The following MRPL48 variants were observed in gnomAD, a reference collection of about 807,000 sequenced individuals.
The protein encoded by MRPL48 is mitochondrial ribosomal protein L48, also known as large ribosomal subunit protein mL48.
In MRPL48, 16 loss-of-function variants were observed where a neutral mutation model predicts 32.9. The observed-to-expected ratio is 0.49, with a 90% CI of 0.33 to 0.74. The LOEUF (loss-of-function observed/expected upper bound fraction) is 0.74. Ranked by LOEUF, MRPL48 falls within the 30% of genes least tolerant of loss-of-function variation. The pLI, the probability that MRPL48 is intolerant of heterozygous loss-of-function variation, is 0.02. For synonymous variants in MRPL48, 94 were observed against 89.2 expected (o/e 1.05, Z -0.31); for missense variants, 206 against 245.3 (o/e 0.84, Z 1.07).
chr11:73,816,830 A>ATT (rs34704077), intron 3 of MRPL48, among the ~76,000 whole-genome samples: 7 of 141,746 alleles, frequency 4.9e-5, no homozygotes, highest in African/African-American at 1.6e-4. Flanking sequence ...TTTGTTTATT[A>ATT]TTTTTTTTTT....
chr11:73,803,328 A>T (rs2134957906), intron 1 of MRPL48, among the ~76,000 whole-genome samples: 1 of 149,626 alleles, frequency 6.7e-6, no homozygotes, highest in South Asian at 2.1e-4. Context: ...ACGGGGTTTC[A>T]CCATGTTGGC....
intron 1 of MRPL48, among the ~76,000 whole-genome samples, chr11:73,802,390 T>C (rs75243217): frequency 6.6e-6 from 1 of 152,316 alleles, no homozygotes; most frequent in East Asian, 1.9e-4. Flanking sequence ...GCTTTTATTA[T>C]ATTCACAGAA....
intron 5 of MRPL48, among the ~76,000 whole-genome samples, chr11:73,848,132 T>G (rs1427546819): frequency 1.3e-5 from 2 of 152,176 alleles, no homozygotes. Context: ...TATATTTAGG[T>G]CTGTGATCCA....
At chr11:73,845,591 A>G (rs995036925) in intron 5 of MRPL48, among the ~76,000 whole-genome samples, 1 of 151,192 alleles carries the variant, frequency 6.6e-6, no homozygotes, top group Non-Finnish European at 1.5e-5. Context: ...TGGGCAACAT[A>G]GCGAGACCTC....
At chr11:73,818,196 C>T (rs1947710693) in intron 3 of MRPL48, among the ~76,000 whole-genome samples, 1 of 151,866 alleles carries the variant, frequency 6.6e-6, no homozygotes, top group Admixed American at 6.6e-5. Flanking sequence ...CCCATTCCTG[C>T]CTTCACCCAT....
intron 3 of MRPL48, among the ~76,000 whole-genome samples, chr11:73,811,465 T>A (rs554378286): frequency 2.0e-5 from 3 of 152,240 alleles, no homozygotes; most frequent in Admixed American, 6.5e-5. Flanking sequence ...AAATTGTTTA[T>A]CTCTTAATTA....
At chr11:73,808,455 G>T in intron 3 of MRPL48, 105 bp downstream of exon 3, 1 of 1,188,324 alleles carries the variant, frequency 8.4e-7, no homozygotes, top group Non-Finnish European at 1.2e-6. Flanking sequence ...GAGAACAGTG[G>T]CCTGAACCAA....
chr11:73,849,396 C>G (rs956844036), intron 5 of MRPL48, among the ~76,000 whole-genome samples: 2 of 152,236 alleles, frequency 1.3e-5, no homozygotes, highest in Non-Finnish European at 2.9e-5. Context: ...CTTGGCCTCC[C>G]AAAGTGCTGG....
chr11:73,825,654 C>G, intron 3 of MRPL48, 54 bp from the exon 4 acceptor site: 1 of 1,467,528 alleles, frequency 6.8e-7, no homozygotes, highest in Non-Finnish European at 9.3e-7. Flanking sequence ...TCTTAAAAAA[C>G]AACGATAATA....
chr11:73,828,127 T>C (rs1452251034), intron 4 of MRPL48, among the ~76,000 whole-genome samples: 1 of 152,208 alleles, frequency 6.6e-6, no homozygotes, highest in African/African-American at 2.4e-5. Context: ...AACTTGTATG[T>C]CATGTAACTT....
In MRPL48 at chr11:73,804,772, A is replaced by G. The variant is rs537459093; in HGVS notation, c.22-255A>G. Among the ~76,000 whole-genome samples the G allele has an allele frequency of 2.0e-5, 3 of 152,300 alleles. No homozygotes were observed. In the East Asian group the frequency reaches 5.8e-4, roughly 29 times the overall value. On this transcript the variant is annotated intron_variant, in intron 1 of 7. Transcript: ENST00000310614. ...TTAGAAAAAAATAGATTAAGTTGGA[A>G]ATGGTAAACAGTGAAAAAGCAGTGT...
intron 4 of MRPL48, among the ~76,000 whole-genome samples, chr11:73,841,232 G>A (rs939482127): frequency 6.6e-6 from 1 of 152,344 alleles, no homozygotes; most frequent in Admixed American, 6.5e-5. Context: ...AACTGTTTGA[G>A]AGTGTCTATT....
chr11:73,829,035 G>A (rs970229363), intron 4 of MRPL48, among the ~76,000 whole-genome samples: 5 of 152,088 alleles, frequency 3.3e-5, no homozygotes, highest in African/African-American at 4.8e-5. Context: ...TTCTGCATAT[G>A]TCATGCTCTG....
Position 73,803,201 on chromosome 11 carries a change from C to T in MRPL48, c.22-1826C>T, listed in dbSNP as rs138743675. 5.0e-3 allele frequency among the ~76,000 whole-genome samples: 753 copies of T among 152,080 alleles called. 7 individuals are homozygous for T. Among genetic ancestry groups the T allele is most frequent in the African/African-American group, 0.017 (689 of 41,478 alleles). ...GGAGTGCAATGGTATGATCTCTGCT[C>T]ACTGCAACCCCTGCCTCCCAGGTTC... On this transcript the variant is annotated intron_variant, in intron 1 of 7. Coordinates refer to ENST00000310614, the MANE Select transcript of MRPL48 (RefSeq NM_016055.6).
intron 4 of MRPL48, 92 bp downstream of exon 4, chr11:73,825,888 A>G: frequency 9.1e-7 from 1 of 1,103,670 alleles, no homozygotes. Flanking sequence ...ATAATATTGG[A>G]GCTAGAAATG....
intron 3 of MRPL48, among the ~76,000 whole-genome samples, chr11:73,820,839 G>T (rs943350028): frequency 6.6e-6 from 1 of 152,026 alleles, no homozygotes. Context: ...CCCCCTGGGG[G>T]TAACCACTAT....
intron 1 of MRPL48, among the ~76,000 whole-genome samples, chr11:73,804,446 T>G (rs1590939227): frequency 6.6e-6 from 1 of 151,618 alleles, no homozygotes; most frequent in African/African-American, 2.4e-5. Context: ...CCGGCTAATT[T>G]TTGTAATTTT....
chr11:73,849,981 T>A (rs1590998817), intron 5 of MRPL48, among the ~76,000 whole-genome samples: 2 of 152,024 alleles, frequency 1.3e-5, no homozygotes, highest in South Asian at 4.1e-4. Context: ...GCGCCTGTAG[T>A]CCCTGCCACT....
chr11:73,843,712 T>C (rs1385583121), intron 4 of MRPL48, among the ~76,000 whole-genome samples: 1 of 152,128 alleles, frequency 6.6e-6, no homozygotes, highest in Non-Finnish European at 1.5e-5. Context: ...TTTCTGTTAA[T>C]TTTTTTTCAT....
Sources: gnomAD v4.1 joint callset for allele counts (sites outside exome capture counted in the v4.1 genomes callset) on GRCh38, gnomAD v4.1.1 for gene constraint, MANE v1.5 for transcripts, NCBI Gene and HGNC (gene_info 2026-07-23, HGNC 2026-07-21) for gene names.